AKR1C8: variants seen among roughly 807,000 people sequenced by gnomAD.
AKR1C8 encodes the protein aldo-keto reductase family 1 member C-like protein 1.
At chr10:5,123,303 TG>T in the AKR1C8 span, 1 of 252,000 alleles carries the variant, frequency 4.0e-6, no homozygotes, top group Non-Finnish European at 8.5e-6. Context: ...TGCTGTTCAT[TG>T]GAGCTCTTGA....
the AKR1C8 span, among the ~76,000 whole-genome samples, chr10:5,167,819 G>A: frequency 6.6e-6 from 1 of 151,942 alleles, no homozygotes; most frequent in Non-Finnish European, 1.5e-5. Flanking sequence ...CTGGTAAATT[G>A]TATAAAAAAC....
the AKR1C8 span, among the ~76,000 whole-genome samples, chr10:5,162,673 T>A: frequency 6.6e-6 from 1 of 152,214 alleles, no homozygotes; most frequent in Non-Finnish European, 1.5e-5. Context: ...TCAGAGACAC[T>A]GAAGAATTGT....
chr10:5,156,626 C>G, the AKR1C8 span, among the ~76,000 whole-genome samples: 1 of 152,110 alleles, frequency 6.6e-6, no homozygotes, highest in African/African-American at 2.4e-5. Flanking sequence ...ATCCACCACT[C>G]TTTTTAAAAA....
At chr10:5,180,919 C>A in the AKR1C8 span, among the ~76,000 whole-genome samples, 1 of 152,208 alleles carries the variant, frequency 6.6e-6, no homozygotes, top group African/African-American at 2.4e-5. Flanking sequence ...AAAGGGAACT[C>A]CCTGACCCCT....
At chr10:5,134,308 T>C in the AKR1C8 span, among the ~76,000 whole-genome samples, 19 of 152,292 alleles carry the variant, frequency 1.2e-4, no homozygotes, top group East Asian at 3.7e-3. Flanking sequence ...GTCTTCAAGA[T>C]GTCTCTCTGT....
chr10:5,146,848 C>A, the AKR1C8 span, among the ~76,000 whole-genome samples: 4 of 152,130 alleles, frequency 2.6e-5, no homozygotes, highest in African/African-American at 9.7e-5. Context: ...AAATGGAAAG[C>A]TTTGTCACTA....
the AKR1C8 span, among the ~76,000 whole-genome samples, chr10:5,143,056 G>T: frequency 8.5e-5 from 13 of 152,068 alleles, no homozygotes; most frequent in Non-Finnish European, 1.8e-4. Context: ...ATTGGATTAA[G>T]CAGTATGCCA....
At chr10:5,151,893 G>A in the AKR1C8 span, among the ~76,000 whole-genome samples, 2 of 151,970 alleles carry the variant, frequency 1.3e-5, no homozygotes, top group Non-Finnish European at 2.9e-5. Flanking sequence ...TTAAGGTGTG[G>A]GCTATAAAAA....
At chr10:5,115,889 C>T in the AKR1C8 span, among the ~76,000 whole-genome samples, 1 of 151,978 alleles carries the variant, frequency 6.6e-6, no homozygotes, top group African/African-American at 2.4e-5. Context: ...TGACAATTAC[C>T]GTCCTCTTTT....
chr10:5,169,984 G>C, the AKR1C8 span, among the ~76,000 whole-genome samples: 1 of 151,958 alleles, frequency 6.6e-6, no homozygotes, highest in Admixed American at 6.6e-5. Flanking sequence ...TCCAGGTTTT[G>C]ACTCGAGTGT....
the AKR1C8 span, among the ~76,000 whole-genome samples, chr10:5,133,354 A>G: frequency 6.6e-6 from 1 of 152,126 alleles, no homozygotes; most frequent in Non-Finnish European, 1.5e-5. Flanking sequence ...CTGCCGCCCA[A>G]AATGCTGCGA....
chr10:5,160,871 GC>G, the AKR1C8 span: 1 of 471,082 alleles, frequency 2.1e-6, no homozygotes, highest in Non-Finnish European at 4.4e-6. Flanking sequence ...GCATCCTTTG[GC>G]AGTAATTCTT....
At chr10:5,158,998 C>T in the AKR1C8 span, among the ~76,000 whole-genome samples, 2 of 152,192 alleles carry the variant, frequency 1.3e-5, no homozygotes, top group Middle Eastern at 6.8e-3. Flanking sequence ...AACCAAGATT[C>T]CTTAGAGGAA....
At chr10:5,167,686 T>G in the AKR1C8 span, among the ~76,000 whole-genome samples, 79,770 of 151,634 alleles carry the variant, frequency 0.53, 21,947 homozygotes, top group Non-Finnish European at 0.6. Context: ...GTTAAATGAC[T>G]AGTTACTGGA....
chr10:5,163,382 T>G, the AKR1C8 span, among the ~76,000 whole-genome samples: 6 of 152,212 alleles, frequency 3.9e-5, no homozygotes, highest in African/African-American at 1.4e-4. Flanking sequence ...GTAAATTGAC[T>G]TCTCATGTTA....
chr10:5,132,869 C>G, the AKR1C8 span: 2 of 502,878 alleles, frequency 4.0e-6, no homozygotes, highest in East Asian at 7.5e-5. Flanking sequence ...ATTCTTGCAT[C>G]TTGGGTTAGT....
chr10:5,152,087 A>G, the AKR1C8 span, among the ~76,000 whole-genome samples: 1 of 152,168 alleles, frequency 6.6e-6, no homozygotes, highest in Non-Finnish European at 1.5e-5. Flanking sequence ...ACAGCATACT[A>G]TCAGGTAAAT....
At chr10:5,152,869 ATATTT>A in the AKR1C8 span, among the ~76,000 whole-genome samples, 18 of 151,822 alleles carry the variant, frequency 1.2e-4, no homozygotes, top group African/African-American at 4.1e-4. Context: ...ATGCGGGGAG[ATATTT>A]TCTTTTCTTT....
chr10:5,146,230 G>T, the AKR1C8 span, among the ~76,000 whole-genome samples: 7 of 150,952 alleles, frequency 4.6e-5, no homozygotes, highest in East Asian at 1.4e-3. Context: ...GGATAGCATT[G>T]GGAGATATAC....
Sources: gnomAD v4.1 joint callset for allele counts (sites outside exome capture counted in the v4.1 genomes callset) on GRCh38, gnomAD v4.1.1 for gene constraint, MANE v1.5 for transcripts, NCBI Gene and HGNC (gene_info 2026-07-23, HGNC 2026-07-21) for gene names.